Variants in ABCA13 observed in about 807,000 individuals in gnomAD.
ABCA13 encodes the protein ATP binding cassette subfamily A member 13.
A neutral mutation model predicts 478.7 loss-of-function variants in ABCA13; 476 were observed. The ratio of observed to expected loss-of-function variants is 0.99; its 90% confidence interval spans 0.92 to 1.07. The LOEUF (loss-of-function observed/expected upper bound fraction) is 1.07. Ranked by LOEUF, ABCA13 falls within the 50% of genes least tolerant of loss-of-function variation. The pLI, the probability that ABCA13 is intolerant of heterozygous loss-of-function variation, is 0.00. For synonymous variants in ABCA13, 2,252 were observed against 2,158.9 expected (o/e 1.04, Z -1.20); for missense variants, 6,060 against 5,910.6 (o/e 1.03, Z -0.83).
At chr7:48,441,748 C>G (rs553608519) in intron 42 of ABCA13, among the ~76,000 whole-genome samples, 1 of 152,234 alleles carries the variant, frequency 6.6e-6, no homozygotes, top group African/African-American at 2.4e-5. Flanking sequence ...AACCAGTTTG[C>G]AAACAGACTT....
chr7:48,589,641 C>G (rs1170703974), intron 57 of ABCA13, among the ~76,000 whole-genome samples: 4 of 152,198 alleles, frequency 2.6e-5, no homozygotes, highest in Admixed American at 2.6e-4. Flanking sequence ...TACAGTCCCT[C>G]TCTTAGTTCA....
intron 27 of ABCA13, among the ~76,000 whole-genome samples, chr7:48,330,512 CATCCATCCATATATCCATCT>C: frequency 6.6e-6 from 1 of 150,530 alleles, no homozygotes; most frequent in Non-Finnish European, 1.5e-5. Flanking sequence ...TCCATCCATC[CATCCATCCATATATCCATCT>C]ATCCATTTAT....
chr7:48,370,045 T>G (rs1415161307), intron 32 of ABCA13, among the ~76,000 whole-genome samples: 1 of 152,224 alleles, frequency 6.6e-6, no homozygotes, highest in African/African-American at 2.4e-5. Flanking sequence ...TTCCTTTGTT[T>G]GCGTCATCTG....
chr7:48,610,650 C>G (rs954318856), intron 58 of ABCA13, among the ~76,000 whole-genome samples: 1 of 152,222 alleles, frequency 6.6e-6, no homozygotes, highest in Non-Finnish European at 1.5e-5. Flanking sequence ...TTTGGACAGC[C>G]AGGTGTTTCC....
Position 48,275,844 on chromosome 7 carries a change from C to T in ABCA13, c.6178C>T (p.Pro2060Ser). Reference protein sequence around the residue: ...ETPYNFEELWPKFQQIMKDLT... With the variant: ...ETPYNFEELWSKFQQIMKDLT... Reference sequence around the variant, plus strand: ...ACCTTACAACTTTGAAGAACTATGGCCCAAGTTTCAACAAATCATGAAAGA... The same window carrying T: ...ACCTTACAACTTTGAAGAACTATGGTCCAAGTTTCAACAAATCATGAAAGA... The change falls in exon 17 of 62, where the codon CCC becomes TCC. Residue 2060 changes from proline to serine, a missense_variant. Around this residue, in one of 3 missense-constraint regions of ABCA13, gnomAD observed 4,423 missense variants for 4,309.1 expected, o/e 1.03. Coordinates refer to ENST00000435803, the MANE Select transcript of ABCA13 (RefSeq NM_152701.5). 6.2e-7 allele frequency: 1 copy of T among 1,613,190 alleles called. No individual in the cohort carries two copies. The highest frequency in any genetic ancestry group is 8.5e-7 in the Non-Finnish European group (1 of 1,179,732).
chr7:48,404,776 A>G (rs1818041386), intron 39 of ABCA13: 1 of 152,226 alleles, frequency 6.6e-6, no homozygotes, highest in Non-Finnish European at 1.5e-5. Flanking sequence ...CCAGTCTGTC[A>G]CTTAAAGCTT....
In ABCA13 at chr7:48,401,744, A is replaced by AACACACACACACACACACACACAC. The variant is rs55694821; in HGVS notation, c.11874-1930_11874-1907dup. ...CTGCTCTTGGCTTCAAGAATTTTAA[A>AACACACACACACACACACACACAC]ACACACACACACACACACACACACA... On this transcript the variant is annotated intron_variant, in intron 38 of 61. Transcript: ENST00000435803. Among the ~76,000 whole-genome samples the AACACACACACACACACACACACAC allele has an allele frequency of 8.8e-3, 1,260 of 143,928 alleles. 18 individuals carry two copies. Among genetic ancestry groups the AACACACACACACACACACACACAC allele is most frequent in the Non-Finnish European group, 0.012 (764 of 65,662 alleles). The allele number at this position is 143,928 out of a possible 152,430, so 94.4% of individuals were successfully genotyped here.
intron 41 of ABCA13, among the ~76,000 whole-genome samples, chr7:48,424,694 G>A (rs981155285): frequency 1.3e-5 from 2 of 152,196 alleles, no homozygotes; most frequent in Non-Finnish European, 2.9e-5. Flanking sequence ...CCTGGGTAAT[G>A]TTCTATTCTG....
chr7:48,321,098 G>A (rs766914802), intron 27 of ABCA13, among the ~76,000 whole-genome samples: 47 of 152,160 alleles, frequency 3.1e-4, no homozygotes, highest in Non-Finnish European at 5.0e-4. Context: ...GGTTCAAACC[G>A]GGGTGGGGTT....
chr7:48,355,181 T>C (rs1453139826), intron 31 of ABCA13, among the ~76,000 whole-genome samples: 1 of 151,616 alleles, frequency 6.6e-6, no homozygotes, highest in African/African-American at 2.4e-5. Flanking sequence ...AGCTGGGAAA[T>C]AGGATGAGCA....
In ABCA13 at chr7:48,516,888, A is replaced by T; in HGVS notation, c.13797+7A>T. On this transcript the variant is annotated splice_region_variant and intron_variant, in intron 52 of 61. Transcript: ENST00000435803. ...CATCATCTCCAAAGCTAAGGTCAGT[A>T]GCTTTGTAGCATCACCTCTACACTT... The T allele has an allele frequency of 6.2e-7, 1 of 1,613,140 alleles. No individual in the cohort carries two copies. The highest frequency in any genetic ancestry group is 8.5e-7 in the Non-Finnish European group (1 of 1,179,318).
Position 48,292,886 on chromosome 7 carries a change from C to T in ABCA13, c.8956-2814C>T, listed in dbSNP as rs983998794. Among the ~76,000 whole-genome samples the T allele has an allele frequency of 4.5e-4, 69 of 152,124 alleles. 1 individual carries two copies. Among genetic ancestry groups the T allele is most frequent in the Admixed American group, 3.3e-3 (50 of 15,282 alleles). ...TCTCCTGTGTTCATAGCTCTCAGTC[C>T]GGCACCTAGCCTGGGCCTGGCACTT... On this transcript the variant is annotated intron_variant, in intron 20 of 61. Transcript: ENST00000435803.
chr7:48,275,038 T>C lies in ABCA13; in HGVS notation c.5372T>C (p.Phe1791Ser). The C allele has an allele frequency of 6.2e-7, 1 of 1,613,832 alleles. No homozygotes were observed. Among genetic ancestry groups the C allele is most frequent in the African/African-American group, 1.3e-5 (1 of 75,056 alleles). ...ATTTCAAATATCACCAAGGAAGACTTCGCAATTGTGATAAAAATTCTTTTG... is the reference window on the plus strand; with the variant it reads ...ATTTCAAATATCACCAAGGAAGACTCCGCAATTGTGATAAAAATTCTTTTG... ...ITISNITKED[F>S]AIVIKILLDT... The change falls in exon 17 of 62, where the codon TTC becomes TCC. Residue 1791 changes from phenylalanine to serine, a missense_variant. Around this residue, in one of 3 missense-constraint regions of ABCA13, gnomAD observed 4,423 missense variants for 4,309.1 expected, o/e 1.03. Transcript: ENST00000435803.
At chr7:48,239,169 G>A in intron 8 of ABCA13, 72 bp from the exon 9 acceptor site, 1 of 1,500,312 alleles carries the variant, frequency 6.7e-7, no homozygotes, top group Admixed American at 1.8e-5. Context: ...CAAGATCGTG[G>A]TGTTATTTTT....
chr7:48,345,536 G>GA (rs1419329386), intron 29 of ABCA13, among the ~76,000 whole-genome samples: 21 of 151,916 alleles, frequency 1.4e-4, no homozygotes, highest in Admixed American at 8.5e-4. Context: ...TAAAAAGAAA[G>GA]AAAAAACCTA....
Position 48,249,368 on chromosome 7 carries a change from A to T in ABCA13, c.2005+17A>T. On this transcript the variant is annotated intron_variant, in intron 15 of 61. Transcript: ENST00000435803. ...GACTATTGGGTAAGTCAGTAGCCTA[A>T]ACTACAGGAATGGGGGATGCTTTCC... 1 of 1,610,994 alleles carries T rather than the reference A, an allele frequency of 6.2e-7. No homozygotes were observed. The highest frequency in any genetic ancestry group is 2.2e-5 in the East Asian group (1 of 44,688).
chr7:48,644,756 T>C lies in ABCA13; in HGVS notation c.15081+2T>C, dbSNP rs750193970. On this transcript the variant is annotated splice_donor_variant, in intron 61 of 61. Transcript: ENST00000435803. LOFTEE classifies it high-confidence loss of function. ...ATTAACCAAACCACTTTGGAGCAGGTATAGTATCTTGAATGATTCAGGAGG... is the reference window on the plus strand; with the variant it reads ...ATTAACCAAACCACTTTGGAGCAGGCATAGTATCTTGAATGATTCAGGAGG... The C allele has an allele frequency of 6.3e-6, 10 of 1,592,832 alleles. No individual in the cohort carries two copies. The highest frequency in any genetic ancestry group is 1.8e-5 in the Admixed American group (1 of 55,866).
At position 48,275,799 on chromosome 7, in the gene ABCA13, T is replaced by C. The variant is rs777129680; in HGVS notation, c.6133T>C (p.Phe2045Leu). 29 of 1,612,350 alleles carry C rather than the reference T, an allele frequency of 1.8e-5. No individual in the cohort carries two copies. Among genetic ancestry groups the C allele is most frequent in the Non-Finnish European group, 2.4e-5 (28 of 1,179,238 alleles). Residue 2045 changes from phenylalanine to leucine, a missense_variant, in exon 17 of 62, where the codon TTT becomes CTT. By Grantham distance (22) the Phe-to-Leu change is conservative. Coordinates refer to ENST00000435803, the MANE Select transcript of ABCA13 (RefSeq NM_152701.5). ...TAGCAGTTTAGAAGCATTATCAAGT[T>C]TTATTGAAAAAAGTGAAACACCTTA... ...TGSSLEALSS[F>L]IEKSETPYNF...
Position 48,271,943 on chromosome 7 carries a change from C to T in ABCA13, c.2277C>T (p.Ser759=). Residue 759 remains serine, a synonymous_variant, in exon 17 of 62, where the codon AGC becomes AGT. Transcript: ENST00000435803. ...FDSSIVPSFH[S]LPSLTEDILN... ...CCTCCATTGTTCCCAGTTTCCACAG[C>T]CTCCCATCTCTCACAGAGGATATTC... 1 of 1,613,604 alleles carries T rather than the reference C, an allele frequency of 6.2e-7. No individual in the cohort carries two copies. The highest frequency in any genetic ancestry group is 8.5e-7 in the Non-Finnish European group (1 of 1,179,706).
Sources: allele counts gnomAD v4.1 joint callset (sites outside exome capture counted in the v4.1 genomes callset), GRCh38; gene constraint gnomAD v4.1.1; regional missense constraint gnomAD v4.1.1; transcripts MANE v1.5; gene names NCBI Gene and HGNC (gene_info 2026-07-23, HGNC 2026-07-21).